The following STPG2 variants were observed in gnomAD, a reference collection of about 807,000 sequenced individuals.
STPG2 encodes the protein sperm tail PG-rich repeat containing 2.
In STPG2, 56 loss-of-function variants were observed where a neutral mutation model predicts 54.2. That is an observed-to-expected ratio of 1.03 (90% CI 0.83 to 1.29). The LOEUF (loss-of-function observed/expected upper bound fraction) is 1.29, where lower values mean the gene tolerates loss of function less well. Ranked by LOEUF, STPG2 falls within the 50% of genes most tolerant of loss-of-function variation. The pLI, the probability that STPG2 is intolerant of heterozygous loss-of-function variation, is 0.00. For synonymous variants in STPG2, 200 were observed against 181.8 expected (o/e 1.10, Z -0.81); for missense variants, 596 against 544.9 (o/e 1.09, Z -0.93).
At chr4:97,468,729 C>A (rs760372849) in intron 4 of STPG2, among the ~76,000 whole-genome samples, 1 of 152,048 alleles carries the variant, frequency 6.6e-6, no homozygotes, top group South Asian at 2.1e-4. Context: ...TACTCCCTCC[C>A]AGTTCAGATG....
At chr4:97,878,187 T>G (rs951984242) in intron 8 of STPG2, among the ~76,000 whole-genome samples, 1 of 152,146 alleles carries the variant, frequency 6.6e-6, no homozygotes, top group East Asian at 1.9e-4. Context: ...CCAGGTGCTT[T>G]CACTGCTGGC....
chr4:97,631,115 T>A (rs867323634), intron 10 of STPG2, among the ~76,000 whole-genome samples: 3 of 151,962 alleles, frequency 2.0e-5, no homozygotes, highest in Admixed American at 2.0e-4. Context: ...TTTAAAGAAT[T>A]GATTTTCTAT....
chr4:97,633,326 C>A lies in STPG2; in HGVS notation c.1321-74209G>T, dbSNP rs1208681988. Among the ~76,000 whole-genome samples, 4 of 152,140 alleles carry A rather than the reference C, an allele frequency of 2.6e-5. 1 individual carries two copies. The East Asian group carries it at 7.7e-4, about 29-fold the overall frequency. Reference sequence around the variant, plus strand: ...AAGTTGGAATATTGTTTGCTACAAACAAGCTGCCAAGAGAAAATTATATGT... The same window carrying A: ...AAGTTGGAATATTGTTTGCTACAAAAAAGCTGCCAAGAGAAAATTATATGT... On this transcript the variant is annotated intron_variant, in intron 10 of 10. Coordinates refer to ENST00000295268, the MANE Select transcript of STPG2 (RefSeq NM_174952.3).
chr4:97,829,637 G>A (rs1728382662), intron 9 of STPG2, among the ~76,000 whole-genome samples: 1 of 152,116 alleles, frequency 6.6e-6, no homozygotes, highest in Non-Finnish European at 1.5e-5. Flanking sequence ...AAGAAGGTGA[G>A]ACGAATTGTT....
At chr4:97,497,656 T>C (rs1232155532) in intron 4 of STPG2, among the ~76,000 whole-genome samples, 2 of 152,058 alleles carry the variant, frequency 1.3e-5, no homozygotes, top group East Asian at 1.9e-4. Context: ...AAAATTGTTA[T>C]GTTGAGTTAG....
intron 9 of STPG2, among the ~76,000 whole-genome samples, chr4:97,759,782 G>A (rs1190418854): frequency 6.6e-6 from 1 of 152,084 alleles, no homozygotes; most frequent in Non-Finnish European, 1.5e-5. Flanking sequence ...GAAGGAGGCG[G>A]CATTCCTTTT....
chr4:97,996,284 G>A (rs1212488225), intron 5 of STPG2, among the ~76,000 whole-genome samples: 2 of 151,682 alleles, frequency 1.3e-5, no homozygotes, highest in South Asian at 4.1e-4. Flanking sequence ...CAGAAAGAAT[G>A]CTACACACCT....
At chr4:97,644,105 T>A (rs1335947631) in intron 10 of STPG2, among the ~76,000 whole-genome samples, 1 of 151,660 alleles carries the variant, frequency 6.6e-6, no homozygotes, top group East Asian at 1.9e-4. Context: ...GATGCTTATT[T>A]GATGTAACCT....
intron 9 of STPG2, among the ~76,000 whole-genome samples, chr4:97,818,363 T>C (rs1367460030): frequency 6.6e-6 from 1 of 151,918 alleles, no homozygotes; most frequent in African/African-American, 2.4e-5. Context: ...AATTTCTAAA[T>C]TAGGCATAGT....
chr4:98,091,553 T>C (rs1738685677), intron 5 of STPG2, among the ~76,000 whole-genome samples: 1 of 152,100 alleles, frequency 6.6e-6, no homozygotes, highest in Non-Finnish European at 1.5e-5. Context: ...CTTTTAAGCC[T>C]CATTGACTTT....
At chr4:97,456,722 C>T (rs1457336270) in intron 4 of STPG2, among the ~76,000 whole-genome samples, 3 of 151,150 alleles carry the variant, frequency 2.0e-5, no homozygotes, top group Admixed American at 2.0e-4. Context: ...GGTGAAACCC[C>T]ATCTCTACTA....
At chr4:97,932,705 T>C (rs1732596623) in intron 8 of STPG2, among the ~76,000 whole-genome samples, 1 of 152,264 alleles carries the variant, frequency 6.6e-6, no homozygotes, top group Non-Finnish European at 1.5e-5. Context: ...CTCATTCCTT[T>C]TTATGACTGC....
intron 4 of STPG2, among the ~76,000 whole-genome samples, chr4:97,447,395 A>T (rs1257863964): frequency 2.0e-5 from 3 of 152,186 alleles, no homozygotes; most frequent in Non-Finnish European, 4.4e-5. Flanking sequence ...TTGCCAAGAA[A>T]ATTGGCAAAA....
At chr4:98,026,919 T>C (rs1022656543) in intron 5 of STPG2, among the ~76,000 whole-genome samples, 1 of 152,244 alleles carries the variant, frequency 6.6e-6, no homozygotes, top group African/African-American at 2.4e-5. Context: ...TTTTAACTAA[T>C]TTTTAAATAT....
intron 10 of STPG2, among the ~76,000 whole-genome samples, chr4:97,619,788 CAG>C (rs1433460774): frequency 1.3e-5 from 2 of 151,470 alleles, no homozygotes; most frequent in African/African-American, 4.8e-5. Context: ...CTTTTCACAT[CAG>C]AGTCTTCATC....
intron 9 of STPG2, among the ~76,000 whole-genome samples, chr4:97,718,741 G>T (rs1257026279): frequency 4.0e-5 from 6 of 151,864 alleles, no homozygotes; most frequent in Non-Finnish European, 1.5e-5. Flanking sequence ...AAATAAGAAT[G>T]CTTTTCTTCA....
chr4:97,476,477 C>A (rs940462095), intron 4 of STPG2, among the ~76,000 whole-genome samples: 1 of 152,062 alleles, frequency 6.6e-6, no homozygotes, highest in African/African-American at 2.4e-5. Context: ...TCATATCTCA[C>A]ATTGTAACAT....
At chr4:98,065,655 GT>G (rs1227690559) in intron 5 of STPG2, among the ~76,000 whole-genome samples, 1 of 152,164 alleles carries the variant, frequency 6.6e-6, no homozygotes, top group African/African-American at 2.4e-5. Context: ...AATAGAGACT[GT>G]GAGGCTATCA....
At chr4:98,023,330 C>T (rs889315967) in intron 5 of STPG2, among the ~76,000 whole-genome samples, 5 of 152,100 alleles carry the variant, frequency 3.3e-5, no homozygotes, top group African/African-American at 4.8e-5. Context: ...TGCAGAACAG[C>T]GATGACTGTA....
Sources: allele counts gnomAD v4.1 joint callset (sites outside exome capture counted in the v4.1 genomes callset), GRCh38; gene constraint gnomAD v4.1.1; transcripts MANE v1.5; gene names NCBI Gene and HGNC (gene_info 2026-07-23, HGNC 2026-07-21).